TLL1: variants seen among roughly 807,000 people sequenced by gnomAD.
TLL1 encodes tolloid like 1.
In TLL1, 49 loss-of-function variants were observed where a neutral mutation model predicts 128.2. That is an observed-to-expected ratio of 0.38 (90% CI 0.30 to 0.48). TLL1 has a LOEUF of 0.48. Among genes scored for constraint, TLL1 ranks in the 20% least tolerant of loss-of-function variants. The probability of loss-of-function intolerance (pLI) is 0.96; values close to 1 mark genes in which losing one functional copy is unlikely to be tolerated. For missense variants in TLL1, 1,123 were observed against 1,242.0 expected (o/e 0.90, Z 1.44); for synonymous variants, 454 against 418.8 (o/e 1.08, Z -1.03).
Position 166,099,354 on chromosome 4 carries a change from C to T in TLL1, c.2734C>T (p.Pro912Ser), listed in dbSNP as rs759274688. 6.2e-7 allele frequency: 1 copy of T among 1,613,342 alleles called. No individual in the cohort carries two copies. Among genetic ancestry groups the T allele is most frequent in the Non-Finnish European group, 8.5e-7 (1 of 1,179,624 alleles). The change falls in exon 20 of 21, where the codon CCA becomes TCA. Residue 912 changes from proline (P) to serine (S), a missense_variant. By Grantham distance (74) the Pro-to-Ser change is moderately conservative. Around this residue, in one of 3 missense-constraint regions of TLL1, gnomAD observed 634 missense variants for 672.4 expected, o/e 0.94. Transcript: ENST00000061240. ...TGCTCAGTTTGGTGATAACAACTAC[C>T]CAGGACAGGTTGACTGTGAATGGCT... ...SHAQFGDNNY[P>S]GQVDCEWLLV... is the part of the protein sequence containing the mutation.
chr4:166,010,253 G>A (rs929309910), intron 7 of TLL1, among the ~76,000 whole-genome samples: 1 of 151,252 alleles, frequency 6.6e-6, no homozygotes, highest in African/African-American at 2.4e-5. Context: ...TCTGCCTCTT[G>A]TGAATAATGC....
intron 5 of TLL1, among the ~76,000 whole-genome samples, chr4:165,996,783 CT>C (rs1449845009): frequency 6.6e-6 from 1 of 151,056 alleles, no homozygotes; most frequent in African/African-American, 2.4e-5. Flanking sequence ...TGTAGTTGCA[CT>C]CTTGAAGTTA....
At chr4:165,894,358 G>A (rs1731566023) in intron 1 of TLL1, among the ~76,000 whole-genome samples, 1 of 152,124 alleles carries the variant, frequency 6.6e-6, no homozygotes. Flanking sequence ...AGTTACTCAT[G>A]GAGAATAAGA....
At chr4:166,070,103 T>C (rs928086218) in intron 16 of TLL1, among the ~76,000 whole-genome samples, 2 of 151,824 alleles carry the variant, frequency 1.3e-5, no homozygotes, top group Non-Finnish European at 2.9e-5. Context: ...TTTCTTCGAC[T>C]AAATGAGATT....
intron 1 of TLL1, among the ~76,000 whole-genome samples, chr4:165,938,909 A>G (rs1733878554): frequency 1.3e-5 from 2 of 151,304 alleles, no homozygotes; most frequent in Admixed American, 6.6e-5. Flanking sequence ...TTCTTGCTTC[A>G]TGGTTGCAAT....
chr4:166,031,272 T>C (rs1206721067), intron 9 of TLL1, among the ~76,000 whole-genome samples: 1 of 151,976 alleles, frequency 6.6e-6, no homozygotes, highest in East Asian at 1.9e-4. Context: ...GTACGGCTTA[T>C]TATATGAATA....
Position 166,030,846 on chromosome 4 carries a change from G to GT in TLL1, c.1158+5422dup, listed in dbSNP as rs572773996. On this transcript the variant is annotated intron_variant, in intron 9 of 20. Coordinates refer to ENST00000061240, the MANE Select transcript of TLL1 (RefSeq NM_012464.5). The stretch of plus-strand genomic sequence containing the variant: ...GATTATTTTTTAAATTAGCGTTTTT[G>GT]TTTTTTTCTGTTTGAAAATGTGGAT... 2.2e-4 allele frequency: 217 copies of GT among 998,796 alleles called. 3 individuals are homozygous for GT. The South Asian group carries it at 6.0e-3, about 28-fold the overall frequency. 61.9% of individuals were successfully genotyped at this position (998,796 alleles called of 1,614,324 possible). A position where few individuals can be genotyped will look rare whatever the true frequency, so the allele number is the denominator to read the frequency against.
intron 1 of TLL1, among the ~76,000 whole-genome samples, chr4:165,874,430 T>C (rs1378264328): frequency 6.6e-6 from 1 of 152,148 alleles, no homozygotes; most frequent in Non-Finnish European, 1.5e-5. Context: ...GCTTTATGCA[T>C]ATGGAAGGGA....
chr4:165,945,107 C>T (rs575266654), intron 1 of TLL1, among the ~76,000 whole-genome samples: 3 of 151,874 alleles, frequency 2.0e-5, no homozygotes, highest in East Asian at 3.9e-4. Context: ...GCAAATAGAC[C>T]GATGAGGAAT....
At chr4:165,923,987 G>A (rs1733161938) in intron 1 of TLL1, among the ~76,000 whole-genome samples, 1 of 152,108 alleles carries the variant, frequency 6.6e-6, no homozygotes, top group Non-Finnish European at 1.5e-5. Context: ...GGAGCACCAT[G>A]AACCATGCCC....
At chr4:166,036,002 AATCTAGTTT>A (rs1444589636) in intron 9 of TLL1, among the ~76,000 whole-genome samples, 10 of 152,186 alleles carry the variant, frequency 6.6e-5, no homozygotes, top group African/African-American at 2.2e-4. Context: ...ATAGCATAGC[AATCTAGTTT>A]ATCTTGCTGC....
chr4:166,077,775 C>A, intron 17 of TLL1, 128 bp from the exon 18 acceptor site: 1 of 1,240,268 alleles, frequency 8.1e-7, no homozygotes, highest in Admixed American at 1.8e-5. Context: ...ATAACCGACA[C>A]GGGAGTGAAA....
At chr4:165,893,705 C>T (rs535811217) in intron 1 of TLL1, among the ~76,000 whole-genome samples, 16 of 152,242 alleles carry the variant, frequency 1.1e-4, no homozygotes, top group African/African-American at 3.6e-4. Flanking sequence ...GAGCAGGTAA[C>T]GGTACCTATT....
At chr4:166,099,598 A>G in intron 20 of TLL1, 71 bp downstream of exon 20, 1 of 1,552,040 alleles carries the variant, frequency 6.4e-7, no homozygotes, top group Non-Finnish European at 8.8e-7. Context: ...TGATATGTGT[A>G]CCATTCACAA....
At chr4:165,914,056 C>G (rs1404075291) in intron 1 of TLL1, among the ~76,000 whole-genome samples, 2 of 152,008 alleles carry the variant, frequency 1.3e-5, no homozygotes, top group Non-Finnish European at 2.9e-5. Context: ...TAGTAAGTCT[C>G]TAGAATCCTC....
At chr4:166,092,704 A>G (rs1741828152) in intron 19 of TLL1, among the ~76,000 whole-genome samples, 1 of 146,202 alleles carries the variant, frequency 6.8e-6, no homozygotes, top group Admixed American at 7.1e-5. Context: ...TAAATAGCTG[A>G]TGATATAGTA....
intron 1 of TLL1, among the ~76,000 whole-genome samples, chr4:165,955,361 T>C (rs1335518111): frequency 6.6e-6 from 1 of 151,956 alleles, no homozygotes; most frequent in Admixed American, 6.6e-5. Flanking sequence ...ATTTGGAAAA[T>C]GGTATTTGAC....
At chr4:166,043,748 C>A (rs1739337359) in intron 12 of TLL1, among the ~76,000 whole-genome samples, 1 of 151,840 alleles carries the variant, frequency 6.6e-6, no homozygotes, top group Non-Finnish European at 1.5e-5. Context: ...ACTTTTATTT[C>A]TCTTCTAAAC....
At position 165,935,954 on chromosome 4, in the gene TLL1, G is replaced by A. The variant is rs182337692; in HGVS notation, c.170-53427G>A. Among the ~76,000 whole-genome samples the A allele has an allele frequency of 7.9e-5, 12 of 151,502 alleles. No individual in the cohort carries two copies. The East Asian group carries it at 1.2e-3, about 15-fold the overall frequency. On this transcript the variant is annotated intron_variant, in intron 1 of 20. Coordinates refer to ENST00000061240, the MANE Select transcript of TLL1 (RefSeq NM_012464.5). ...AGTTGGATACAGAGATGTAATCAGA[G>A]TTGAGTTAATCTCTTGAGTGGTGGT...
Sources: allele counts gnomAD v4.1 joint callset (sites outside exome capture counted in the v4.1 genomes callset), GRCh38; gene constraint gnomAD v4.1.1; regional missense constraint gnomAD v4.1.1; transcripts MANE v1.5; gene names NCBI Gene and HGNC (gene_info 2026-07-23, HGNC 2026-07-21).